The following CCDC112 variants were observed in gnomAD, a reference collection of about 807,000 sequenced individuals.
CCDC112 encodes the protein coiled-coil domain containing 112.
CCDC112 carries 40 observed loss-of-function variants against 66.3 expected under a neutral mutation model. The ratio of observed to expected loss-of-function variants is 0.60; its 90% CI spans 0.47 to 0.79. CCDC112 has a LOEUF of 0.79. Ranked by LOEUF, CCDC112 falls within the 30% of genes least tolerant of loss-of-function variation. The pLI, the probability that CCDC112 is intolerant of heterozygous loss-of-function variation, is 0.00. For missense variants in CCDC112, 659 were observed against 603.8 expected (o/e 1.09, Z -0.96); for synonymous variants, 214 against 197.2 (o/e 1.09, Z -0.71).
intron 1 of CCDC112, among the ~76,000 whole-genome samples, chr5:115,290,881 TTGTG>T (rs888545270): frequency 2.0e-5 from 3 of 152,084 alleles, no homozygotes; most frequent in Non-Finnish European, 4.4e-5. Context: ...TAAGTTTTTT[TTGTG>T]TGTGTGTGAA....
At chr5:115,272,663 C>A (rs1009299551) in intron 6 of CCDC112, among the ~76,000 whole-genome samples, 5 of 152,144 alleles carry the variant, frequency 3.3e-5, no homozygotes, top group Admixed American at 2.0e-4. Context: ...CTTCTCCATG[C>A]CATTTAGGGC....
rs937554040 is a variant in CCDC112 at position 115,296,429 on chromosome 5, G to T, written c.115C>A (p.Gln39Lys). 5 of 1,568,086 alleles carry T rather than the reference G, an allele frequency of 3.2e-6. No individual in the cohort carries two copies. The highest frequency in any genetic ancestry group is 1.7e-5 in the Admixed American group (1 of 57,250). Residue 39 changes from glutamine to lysine, a missense_variant and splice_region_variant, in exon 1 of 10, where the codon CAG (glutamine) becomes AAG (lysine). Coordinates refer to ENST00000379611, the MANE Select transcript of CCDC112 (RefSeq NM_001040440.3). ...GCTCTCGGTTCTCCCGGATTTACCTGTTGAGGCGCTGGCGTCGCTCCCACG... is the reference window on the plus strand; with the variant it reads ...GCTCTCGGTTCTCCCGGATTTACCTTTTGAGGCGCTGGCGTCGCTCCCACG... The part of the protein sequence containing the change: ...TGVGATPAPQ[Q>K]SDGCFSTSGG...
At chr5:115,280,781 T>C (rs1184204166) in intron 2 of CCDC112, among the ~76,000 whole-genome samples, 1 of 152,044 alleles carries the variant, frequency 6.6e-6, no homozygotes, top group African/African-American at 2.4e-5. Flanking sequence ...CTTGAACTCC[T>C]GAGCTCAAGT....
rs1045317312 is a variant in CCDC112, at chr5:115,275,566, C to G, written c.568G>C (p.Glu190Gln). ...ATTTTTCTTGATATGGCACTCAACTCATTATTAGTTGTCTTCTCTTCTTTA... is the reference window on the plus strand; with the variant it reads ...ATTTTTCTTGATATGGCACTCAACTGATTATTAGTTGTCTTCTCTTCTTTA... ...LIKEEKTTNN[E>Q]LSAISRKIDT... Residue 190 changes from glutamate (E) to glutamine (Q), a missense_variant, in exon 6 of 10, where the codon GAG becomes CAG. Glu to Gln is a conservative substitution (Grantham distance 29). Coordinates refer to ENST00000379611, the MANE Select transcript of CCDC112 (RefSeq NM_001040440.3). The G allele has an allele frequency of 3.7e-6, 6 of 1,603,732 alleles. No homozygotes were observed. In the African/African-American group the frequency reaches 5.4e-5, roughly 14 times the overall value.
chr5:115,273,418 TA>T (rs1749083920), intron 6 of CCDC112, among the ~76,000 whole-genome samples: 1 of 152,184 alleles, frequency 6.6e-6, no homozygotes, highest in African/African-American at 2.4e-5. Flanking sequence ...TCCGTAGATT[TA>T]AAACTGAACT....
At chr5:115,286,383 T>G (rs1749676100) in intron 1 of CCDC112, among the ~76,000 whole-genome samples, 1 of 152,236 alleles carries the variant, frequency 6.6e-6, no homozygotes, top group Non-Finnish European at 1.5e-5. Flanking sequence ...ACTCCATTCC[T>G]TCTTACAGCT....
At chr5:115,282,423 C>T (rs1293513249) in intron 2 of CCDC112, among the ~76,000 whole-genome samples, 1 of 152,092 alleles carries the variant, frequency 6.6e-6, no homozygotes, top group Non-Finnish European at 1.5e-5. Context: ...CTTAGCTTAG[C>T]TTAAGTATTT....
intron 7 of CCDC112, among the ~76,000 whole-genome samples, chr5:115,270,089 C>T (rs1404573670): frequency 2.0e-5 from 3 of 151,916 alleles, no homozygotes; most frequent in Non-Finnish European, 4.4e-5. Context: ...GCAGGTATGT[C>T]TGATTTCAGA....
At chr5:115,281,244 A>G (rs1340479444) in intron 2 of CCDC112, among the ~76,000 whole-genome samples, 1 of 152,030 alleles carries the variant, frequency 6.6e-6, no homozygotes, top group Non-Finnish European at 1.5e-5. Context: ...GGCTAGTCTC[A>G]AACTCCTGAC....
chr5:115,269,801 TAAA>T lies in CCDC112; in HGVS notation c.1333-6_1333-4del. The stretch of plus-strand genomic sequence containing the variant: ...TTCAGTTCAAGTTTATGTAAATCCT[TAAA>T]AAAAAAAACCCATAGCATTAAGAAA... On this transcript the variant is annotated splice_polypyrimidine_tract_variant and splice_region_variant and intron_variant, in intron 7 of 9. Transcript: ENST00000379611. 2 of 1,270,664 alleles carry T rather than the reference TAAA, an allele frequency of 1.6e-6. No homozygotes were observed. Among genetic ancestry groups the T allele is most frequent in the Non-Finnish European group, 2.1e-6 (2 of 950,356 alleles). 78.7% of individuals were successfully genotyped at this position (1,270,664 alleles called of 1,614,324 possible).
At chr5:115,280,675 C>T (rs1360037681) in intron 2 of CCDC112, among the ~76,000 whole-genome samples, 1 of 151,796 alleles carries the variant, frequency 6.6e-6, no homozygotes, top group African/African-American at 2.4e-5. Flanking sequence ...ACCTCAGTCT[C>T]CTGAGTAGCT....
intron 1 of CCDC112, among the ~76,000 whole-genome samples, chr5:115,293,424 C>T (rs765976808): frequency 2.6e-5 from 4 of 152,000 alleles, no homozygotes; most frequent in Non-Finnish European, 5.9e-5. Context: ...CACACTGTAC[C>T]CCATAAATGT....
chr5:115,273,515 A>G (rs1444452777), intron 6 of CCDC112, among the ~76,000 whole-genome samples: 1 of 152,126 alleles, frequency 6.6e-6, no homozygotes, highest in Admixed American at 6.5e-5. Flanking sequence ...AAACCCTTCT[A>G]TCTCACCCCT....
intron 2 of CCDC112, among the ~76,000 whole-genome samples, chr5:115,282,009 G>T (rs10055125): frequency 0.048 from 7,359 of 152,156 alleles, 234 homozygotes; most frequent in African/African-American, 0.074. Context: ...TTATCCTGAA[G>T]ATATACTTAC....
intron 6 of CCDC112, among the ~76,000 whole-genome samples, chr5:115,272,017 C>G (rs1749024503): frequency 6.6e-6 from 1 of 151,638 alleles, no homozygotes; most frequent in African/African-American, 2.4e-5. Flanking sequence ...CTCTGCCTCC[C>G]AGGTTCAAGT....
chr5:115,268,028 G>C (rs1229346182), intron 9 of CCDC112, 110 bp from the exon 10 acceptor site: 1 of 815,932 alleles, frequency 1.2e-6, no homozygotes, highest in African/African-American at 1.7e-5. Context: ...TACCCTGCAT[G>C]TTGTTTGGCT....
chr5:115,275,895 T>C, intron 5 of CCDC112, 99 bp downstream of exon 5: 1 of 838,412 alleles, frequency 1.2e-6, no homozygotes, highest in Non-Finnish European at 1.9e-6. Context: ...AAGACTCAAA[T>C]ACATAATAAC....
At chr5:115,284,644 T>G in intron 2 of CCDC112, 143 bp downstream of exon 2, 1 of 533,238 alleles carries the variant, frequency 1.9e-6, no homozygotes, top group Non-Finnish European at 3.2e-6. Flanking sequence ...ACCTCCCATC[T>G]TTCTCTTGTT....
At chr5:115,277,424 T>G (rs1749254307) in intron 3 of CCDC112, among the ~76,000 whole-genome samples, 1 of 152,222 alleles carries the variant, frequency 6.6e-6, no homozygotes, top group African/African-American at 2.4e-5. Context: ...TTATAACTTA[T>G]GGAAATAGAA....
Sources: gnomAD v4.1 joint callset for allele counts (sites outside exome capture counted in the v4.1 genomes callset) on GRCh38, gnomAD v4.1.1 for gene constraint, MANE v1.5 for transcripts, NCBI Gene and HGNC (gene_info 2026-07-23, HGNC 2026-07-21) for gene names.